The following FAM131B variants were observed in gnomAD, a reference collection of about 807,000 sequenced individuals.
FAM131B encodes family with sequence similarity 131 member B.
Under a neutral mutation model 42.0 loss-of-function variants are expected in FAM131B, and 19 were observed. The ratio of observed to expected loss-of-function variants is 0.45; its 90% CI spans 0.32 to 0.66. FAM131B has a LOEUF of 0.66. Ranked by LOEUF, FAM131B falls within the 30% of genes least tolerant of loss-of-function variation. FAM131B has a pLI of 0.05. For synonymous variants in FAM131B, 183 were observed against 177.6 expected (o/e 1.03, Z -0.24); for missense variants, 370 against 468.4 (o/e 0.79, Z 1.94).
chr7:143,372,553 G>GTGTA, the FAM131B span, among the ~76,000 whole-genome samples: 1 of 152,244 alleles, frequency 6.6e-6, no homozygotes, highest in African/African-American at 2.4e-5. Context: ...CACCAGCAAT[G>GTGTA]TGTAACCTTT....
chr7:143,382,242 C>T, the FAM131B span: 2 of 1,611,804 alleles, frequency 1.2e-6, no homozygotes, highest in Non-Finnish European at 1.7e-6. Context: ...CTCCTTCCTA[C>T]CCCAGACTTT....
chr7:143,364,282 G>C (rs1215994352), upstream of FAM131B: 10 of 120,436 alleles, frequency 8.3e-5, no homozygotes, highest in Non-Finnish European at 8.9e-5. Flanking sequence ...AAGATGGAGA[G>C]ATGATTAAAA....
Position 143,362,491 on chromosome 7 carries a change from G to C in FAM131B, c.28+85C>G, listed in dbSNP as rs1435504943. The C allele has an allele frequency of 5.3e-6, 3 of 564,502 alleles. No homozygotes were observed. In the East Asian group the frequency reaches 1.1e-4, roughly 20 times the overall value. 35.0% of individuals were successfully genotyped at this position (564,502 alleles called of 1,614,324 possible). ...AAGGCGGGTGCGGAGCGGGGCGCCC[G>C]GAGGCGCGAGGAGAGGGATGGGGGA... is the stretch of plus-strand genomic sequence containing the variant. On this transcript the variant is annotated intron_variant, in intron 1 of 6. Transcript: ENST00000443739. The surrounding 1 kb of genome is among the most constrained non-coding windows in gnomAD (Gnocchi z 7.7).
At chr7:143,360,718 C>G (rs1803923544) in intron 1 of FAM131B, 1 of 153,012 alleles carries the variant, frequency 6.5e-6, no homozygotes, top group Admixed American at 6.5e-5. Context: ...TTTCACCTGA[C>G]TGTGGGGAGA....
At chr7:143,379,268 G>A in the FAM131B span, among the ~76,000 whole-genome samples, 1 of 152,122 alleles carries the variant, frequency 6.6e-6, no homozygotes, top group Non-Finnish European at 1.5e-5. Flanking sequence ...TTTGGTCTGT[G>A]AAGCCCAAGA....
At chr7:143,381,787 G>A in the FAM131B span, 1 of 1,556,580 alleles carries the variant, frequency 6.4e-7, no homozygotes, top group Admixed American at 1.9e-5. Flanking sequence ...AAGGTATGCG[G>A]CGGGGCTTGG....
At chr7:143,364,017 G>A (rs1188916052), upstream of FAM131B, 2 of 152,176 alleles carry the variant, frequency 1.3e-5, no homozygotes, top group Non-Finnish European at 2.9e-5. Context: ...ATCCATCTTC[G>A]GTGTATGTGC....
the FAM131B span, chr7:143,379,566 C>G: frequency 6.6e-6 from 1 of 152,118 alleles, no homozygotes; most frequent in Non-Finnish European, 1.5e-5. Flanking sequence ...TACCGAGGCC[C>G]CTGAGAGATC....
In FAM131B at chr7:143,358,754, A is replaced by G. The variant is rs565801561; in HGVS notation, c.466+73T>C. On this transcript the variant is annotated intron_variant, in intron 5 of 6. Coordinates refer to ENST00000443739, the MANE Select transcript of FAM131B (RefSeq NM_001031690.3). The surrounding 1 kb of genome is among the most constrained non-coding windows in gnomAD (Gnocchi z 4.7). Reference sequence around the variant, plus strand: ...GTATGGATGGAGCTAATCCTGCCACAGGGGATCAGGTTGGAGGGTCGGTCC... The same window carrying G: ...GTATGGATGGAGCTAATCCTGCCACGGGGGATCAGGTTGGAGGGTCGGTCC... The G allele has an allele frequency of 2.0e-4, 243 of 1,192,068 alleles. 1 individual carries two copies. In the African/African-American group the frequency reaches 3.1e-3, roughly 15 times the overall value. 73.8% of individuals were successfully genotyped at this position (1,192,068 alleles called of 1,614,324 possible).
At chr7:143,376,655 A>T in the FAM131B span, among the ~76,000 whole-genome samples, 3 of 152,094 alleles carry the variant, frequency 2.0e-5, no homozygotes, top group Admixed American at 2.0e-4. Flanking sequence ...CGCCCAACCC[A>T]TCCATGGTTC....
Position 143,359,625 on chromosome 7 carries a change from A to G in FAM131B, c.174+107T>C, listed in dbSNP as rs762504490. 36 of 1,136,792 alleles carry G rather than the reference A, an allele frequency of 3.2e-5. No individual in the cohort carries two copies. Among genetic ancestry groups the G allele is most frequent in the Non-Finnish European group, 4.2e-5 (32 of 768,492 alleles). The allele number at this position is 1,136,792 out of a possible 1,614,324, so 70.4% of individuals were successfully genotyped here. Reference sequence around the variant, plus strand: ...ACAGGTTGAGAACGTGAGTGCTCACAGTGCCTATTGGAGCCAGGGAATACC... The same window carrying G: ...ACAGGTTGAGAACGTGAGTGCTCACGGTGCCTATTGGAGCCAGGGAATACC... On this transcript the variant is annotated intron_variant, in intron 3 of 6. Transcript: ENST00000443739. This position sits in a 1 kb window ranked among gnomAD's most constrained non-coding sequence, Gnocchi z 5.4.
chr7:143,360,217 C>T lies in FAM131B; in HGVS notation c.29-68G>A, dbSNP rs1344100380. The T allele has an allele frequency of 1.9e-6, 3 of 1,547,676 alleles. No homozygotes were observed. The Admixed American group carries it at 5.9e-5, about 30-fold the overall frequency. On this transcript the variant is annotated intron_variant, in intron 1 of 6. Coordinates refer to ENST00000443739, the MANE Select transcript of FAM131B (RefSeq NM_001031690.3). The stretch of plus-strand genomic sequence containing the variant: ...TGCAGCCGAGGCGACACCCTGGGGC[C>T]AGCCCTTCACACCCCTTCCTTACCC...
the FAM131B span, among the ~76,000 whole-genome samples, chr7:143,375,618 T>G: frequency 3.3e-5 from 5 of 152,148 alleles, no homozygotes; most frequent in African/African-American, 9.7e-5. Flanking sequence ...TTTCTTTATA[T>G]GAAGCCCACC....
At chr7:143,372,873 C>T in the FAM131B span, among the ~76,000 whole-genome samples, 3 of 151,888 alleles carry the variant, frequency 2.0e-5, no homozygotes, top group Non-Finnish European at 4.4e-5. Flanking sequence ...GCAGGAGAAT[C>T]GCTTGAACCC....
chr7:143,373,201 G>A, the FAM131B span, among the ~76,000 whole-genome samples: 45 of 151,904 alleles, frequency 3.0e-4, no homozygotes, highest in African/African-American at 9.7e-4. Flanking sequence ...TGACCAACAT[G>A]GTGAAACCCC....
At chr7:143,364,036 A>G (rs528646071), upstream of FAM131B, 2 of 152,360 alleles carry the variant, frequency 1.3e-5, no homozygotes, top group East Asian at 3.9e-4. Context: ...GCATGAAGAA[A>G]TAAGCCAAAT....
chr7:143,358,977 C>T lies in FAM131B; in HGVS notation c.316G>A (p.Gly106Arg). The T allele has an allele frequency of 6.2e-7, 1 of 1,614,076 alleles. No homozygotes were observed. Among genetic ancestry groups the T allele is most frequent in the East Asian group, 2.2e-5 (1 of 44,886 alleles). ...ATCATGTGGGCCACCCGGCCTTGCC[C>T]CATGGCTGTGGGCTTTGTCACATGG... ...KDHVTKPTAM[G>R]QGRVAHMIEW... is the part of the protein sequence containing the mutation. Residue 106 changes from glycine to arginine, a missense_variant, in exon 5 of 7, where the codon GGG (glycine) becomes AGG (arginine). Gly to Arg is a moderately radical substitution (Grantham distance 125). Transcript: ENST00000443739. The surrounding 1 kb of genome is among the most constrained non-coding windows in gnomAD (Gnocchi z 4.7).
upstream of FAM131B, among the ~76,000 whole-genome samples, chr7:143,365,317 C>G (rs1039939809): frequency 2.0e-5 from 3 of 152,124 alleles, no homozygotes; most frequent in Non-Finnish European, 4.4e-5. Context: ...ATGAGGGATT[C>G]CCATCTGACG....
intron 1 of FAM131B, chr7:143,361,968 G>C: frequency 1.2e-6 from 1 of 834,110 alleles, no homozygotes; most frequent in African/African-American, 1.8e-5. Flanking sequence ...GTCCCTCCGG[G>C]CGTGGAACCC....
Sources: allele counts gnomAD v4.1 joint callset (sites outside exome capture counted in the v4.1 genomes callset), GRCh38; gene constraint gnomAD v4.1.1; non-coding constraint Gnocchi (gnomAD v3.1); transcripts MANE v1.5; gene names NCBI Gene and HGNC (gene_info 2026-07-23, HGNC 2026-07-21).